The following APOB variants were observed in gnomAD, a reference collection of about 807,000 sequenced individuals.
APOB encodes apolipoprotein B, also known as apolipoprotein B-100.
In APOB, 153 loss-of-function variants were observed where a neutral mutation model predicts 314.1. The ratio of observed to expected loss-of-function variants is 0.49; its 90% CI spans 0.43 to 0.56. The LOEUF (loss-of-function observed/expected upper bound fraction) is 0.56. APOB is among the 20% of genes least tolerant of loss of function. The probability of loss-of-function intolerance (pLI) is 0.00; values close to 1 mark genes in which losing one functional copy is unlikely to be tolerated. For missense variants in APOB, 5,430 were observed against 5,350.7 expected, an observed-to-expected ratio of 1.01 and a Z score of -0.46; for synonymous variants, 2,087 against 2,036.4, an observed-to-expected ratio of 1.02 and a Z score of -0.67.
At chr2:21,028,563 A>T in intron 12 of APOB, 25 bp from the exon 13 acceptor site, 1 of 1,528,814 alleles carries the variant, frequency 6.5e-7, no homozygotes, top group Non-Finnish European at 9.0e-7. Flanking sequence ...GGAGATGGTT[A>T]TCACTGTCCT....
At chr2:21,033,658 C>A (rs1663934714) in intron 8 of APOB, 140 bp from the exon 9 acceptor site, 1 of 752,842 alleles carries the variant, frequency 1.3e-6, no homozygotes, top group Admixed American at 2.0e-5. Flanking sequence ...CCTGCTAGAT[C>A]TGGCTCTGCC....
intron 12 of APOB, among the ~76,000 whole-genome samples, 192 bp from the exon 13 acceptor site, chr2:21,028,730 A>G (rs1663805158): frequency 1.3e-5 from 2 of 152,270 alleles, no homozygotes; most frequent in Non-Finnish European, 1.5e-5. Context: ...GGTTCCCAGA[A>G]AAAGCCTGTG....
chr2:21,026,538 A>C (rs1210075507), intron 15 of APOB, among the ~76,000 whole-genome samples: 2 of 152,010 alleles, frequency 1.3e-5, no homozygotes, highest in East Asian at 3.9e-4. Flanking sequence ...ATGAACCACC[A>C]CACCCAGCCC....
At chr2:21,028,631 T>A (rs1663803138) in intron 12 of APOB, 93 bp from the exon 13 acceptor site, 5 of 854,184 alleles carry the variant, frequency 5.9e-6, no homozygotes, top group Admixed American at 5.4e-5. Context: ...AGCTCTTTCT[T>A]AAGCACAGGT....
At position 21,015,495 on chromosome 2, in the gene APOB, C is replaced by CG; in HGVS notation, c.3382dup (p.Arg1128ProfsTer9). 6.2e-7 allele frequency: 1 copy of CG among 1,614,010 alleles called. No homozygotes were observed. The highest frequency in any genetic ancestry group is 8.5e-7 in the Non-Finnish European group (1 of 1,180,002). On this transcript the variant is annotated frameshift_variant, in exon 22 of 29. Transcript: ENST00000233242. LOFTEE classifies it high-confidence loss of function. ...CTCACTTCTGGCTTCTGCTTGCAAA[C>CG]GGGGTATGGAAATAACACCCTTGAT...
At position 21,009,572 on chromosome 2, in the gene APOB, G is replaced by A. The variant is rs1553383536; in HGVS notation, c.7296C>T (p.Tyr2432=). The change falls in exon 26 of 29, where the codon TAC becomes TAT. Residue 2432 remains tyrosine (Y), a synonymous_variant. Transcript: ENST00000233242. ...CATTGGTTTCATCTACAAACTGGTGGTAATCAAATGACTTTAATTTCTTTA... is the reference window on the plus strand; with the variant it reads ...CATTGGTTTCATCTACAAACTGGTGATAATCAAATGACTTTAATTTCTTTA... ...MLIKKLKSFD[Y]HQFVDETNDK... 1.2e-6 allele frequency: 2 copies of A among 1,613,994 alleles called. No homozygotes were observed. The highest frequency in any genetic ancestry group is 1.7e-6 in the Non-Finnish European group (2 of 1,179,934).
At position 21,003,309 on chromosome 2, in the gene APOB, A is replaced by G. The variant is rs1663044361; in HGVS notation, c.12113T>C (p.Ile4038Thr). ...CCGGACCCTCAACTCAGTTTTGAAT[A>G]TGGTGAGTTTTTTATCTGGAGAGGA... ...PQSSPDKKLT[I>T]FKTELRVRES... is the part of the protein sequence containing the mutation. The change falls in exon 29 of 29, where the codon ATA becomes ACA. Residue 4038 changes from isoleucine to threonine, a missense_variant. This residue lies in a region of APOB where 3,281 missense variants were observed against 3,171.0 expected (regional missense o/e 1.03). Transcript: ENST00000233242. 1 of 1,613,460 alleles carries G rather than the reference A, an allele frequency of 6.2e-7. No homozygotes were observed. Among genetic ancestry groups the G allele is most frequent in the African/African-American group, 1.3e-5 (1 of 74,874 alleles).
In APOB at chr2:21,044,017, G is replaced by T. The variant is rs1391477960; in HGVS notation, c.-72C>A. On this transcript the variant is annotated 5_prime_UTR_variant, in exon 1 of 29. Transcript: ENST00000233242. ...CTCGCGGCCCTGGCTGGCTGGGCGGGCTCCTCAGCGGCAGCAACCGAGAAG... is the reference window on the plus strand; with the variant it reads ...CTCGCGGCCCTGGCTGGCTGGGCGGTCTCCTCAGCGGCAGCAACCGAGAAG... 3 of 796,516 alleles carry T rather than the reference G, an allele frequency of 3.8e-6. No homozygotes were observed. Among genetic ancestry groups the T allele is most frequent in the Non-Finnish European group, 5.0e-6 (3 of 598,740 alleles). 49.3% of individuals were successfully genotyped at this position (796,516 alleles called of 1,614,324 possible). A position where few individuals can be genotyped will look rare whatever the true frequency, so the allele number is the denominator to read the frequency against.
In APOB at chr2:21,015,435, A is replaced by T. The variant is rs531341535; in HGVS notation, c.3443T>A (p.Leu1148His). The T allele has an allele frequency of 9.9e-6, 16 of 1,614,124 alleles. No homozygotes were observed. The Admixed American group carries it at 2.5e-4, about 25-fold the overall frequency. Residue 1148 changes from leucine to histidine, a missense_variant, in exon 22 of 29, where the codon CTC (leucine) becomes CAC (histidine). Coordinates refer to ENST00000233242, the MANE Select transcript of APOB (RefSeq NM_000384.3). ...LAHWSPAKLLLQMDSSATAYG... is the reference protein window; with the variant it reads ...LAHWSPAKLLHQMDSSATAYG... Reference sequence around the variant, plus strand: ...AGCTGTAGCAGATGAGTCCATTTGGAGAAGCAGTTTGGCAGGCGACCAGTG... The same window carrying T: ...AGCTGTAGCAGATGAGTCCATTTGGTGAAGCAGTTTGGCAGGCGACCAGTG...
At position 21,005,382 on chromosome 2, in the gene APOB, T is replaced by C. The variant is rs1471062103; in HGVS notation, c.11486A>G (p.Lys3829Arg). The C allele has an allele frequency of 1.2e-6, 2 of 1,614,064 alleles. No individual in the cohort carries two copies. Among genetic ancestry groups the C allele is most frequent in the Non-Finnish European group, 1.7e-6 (2 of 1,179,954 alleles). Residue 3829 changes from lysine (K) to arginine (R), a missense_variant, in exon 26 of 29, where the codon AAA becomes AGA. This residue lies in a region of APOB where 3,281 missense variants were observed against 3,171.0 expected (regional missense o/e 1.03). Transcript: ENST00000233242. Reference protein sequence around the residue: ...QLTVSQFTLPKSVSDGIAALD... With the variant: ...QLTVSQFTLPRSVSDGIAALD... Reference sequence around the variant, plus strand: ...AGCAGCAATGCCATCTGAAACACTTTTTGGAAGCGTGAACTGGGACACAGT... The same window carrying C: ...AGCAGCAATGCCATCTGAAACACTTCTTGGAAGCGTGAACTGGGACACAGT...
At chr2:21,022,130 A>G (rs1663622997) in intron 18 of APOB, among the ~76,000 whole-genome samples, 2 of 151,918 alleles carry the variant, frequency 1.3e-5, no homozygotes. Context: ...TAATTTTGTT[A>G]TTTATTTAAT....
chr2:21,014,929 GT>G (rs149505602), intron 23 of APOB, 143 bp downstream of exon 23: 141 of 885,906 alleles, frequency 1.6e-4, no homozygotes, highest in Middle Eastern at 3.5e-4. Flanking sequence ...ACTTGTGAAA[GT>G]TTTTTTTTCT....
rs1168873517 is a variant in APOB at position 21,034,891 on chromosome 2, C to T, written c.829G>A (p.Gly277Arg). The change falls in exon 8 of 29, where the codon GGG becomes AGG. Residue 277 changes from glycine (G) to arginine (R), a missense_variant. By Grantham distance (125) the Gly-to-Arg change is moderately radical. Around this residue, in one of 3 missense-constraint regions of APOB, gnomAD observed 2,085 missense variants for 2,079.7 expected, o/e 1.00. Transcript: ENST00000233242. ...FLPFSYKNKY[G>R]MVAQVTQTLK... Reference sequence around the variant, plus strand: ...GTCTGTGTCACTTGTGCTACCATCCCATACTTATTCCTGGTAACCAAGGAA... The same window carrying T: ...GTCTGTGTCACTTGTGCTACCATCCTATACTTATTCCTGGTAACCAAGGAA... 4 of 1,562,502 alleles carry T rather than the reference C, an allele frequency of 2.6e-6. No homozygotes were observed. Among genetic ancestry groups the T allele is most frequent in the Non-Finnish European group, 3.5e-6 (4 of 1,132,904 alleles).
In APOB at chr2:21,023,579, T is replaced by G. The variant is rs146519598; in HGVS notation, c.2550A>C (p.Ser850=). ...TGAGLQLQIS[S]SGVIAPGAKA... ...TGGCTCCGGGAGCAATGACTCCAGA[T>G]GAAGATATTTGCAACTGTAATCCAG... Residue 850 remains serine, a synonymous_variant, in exon 17 of 29, where the codon TCA becomes TCC. Transcript: ENST00000233242. The G allele has an allele frequency of 1.4e-5, 22 of 1,614,188 alleles. No individual in the cohort carries two copies. The highest frequency in any genetic ancestry group is 1.9e-5 in the Non-Finnish European group (22 of 1,180,020).
chr2:21,010,409 T>G lies in APOB; in HGVS notation c.6459A>C (p.Glu2153Asp), dbSNP rs755046055. The change falls in exon 26 of 29, where the codon GAA (glutamate) becomes GAC (aspartate). Residue 2153 changes from glutamate to aspartate, a missense_variant. By Grantham distance (45) the Glu-to-Asp change is conservative. Coordinates refer to ENST00000233242, the MANE Select transcript of APOB (RefSeq NM_000384.3). Reference sequence around the variant, plus strand: ...CATCTAATGCAATTTGTATATCATTTTCTGTAATTCTATACTTTTTTGTGA... The same window carrying G: ...CATCTAATGCAATTTGTATATCATTGTCTGTAATTCTATACTTTTTTGTGA... ...TALTKKYRIT[E>D]NDIQIALDDA... 6.3e-7 allele frequency: 1 copy of G among 1,596,286 alleles called. No homozygotes were observed. Among genetic ancestry groups the G allele is most frequent in the Non-Finnish European group, 8.5e-7 (1 of 1,169,994 alleles).
chr2:21,029,328 G>A (rs1427551673), intron 12 of APOB, among the ~76,000 whole-genome samples: 1 of 152,182 alleles, frequency 6.6e-6, no homozygotes, highest in Non-Finnish European at 1.5e-5. Context: ...GCACATGCCT[G>A]TAATCCCAGT....
chr2:21,027,031 C>T, intron 14 of APOB, 67 bp from the exon 15 acceptor site: 1 of 1,443,178 alleles, frequency 6.9e-7, no homozygotes, highest in Non-Finnish European at 9.7e-7. Context: ...CTAGTAGTCC[C>T]CACTCTTGAT....
intron 1 of APOB, 83 bp downstream of exon 1, chr2:21,043,781 C>T: frequency 6.6e-7 from 1 of 1,518,658 alleles, no homozygotes; most frequent in East Asian, 2.4e-5. Flanking sequence ...TCCCTCTGGC[C>T]TAGGCCCAGG....
At chr2:21,040,905 C>T (rs767243147) in intron 4 of APOB, 33 bp downstream of exon 4, 6 of 1,612,306 alleles carry the variant, frequency 3.7e-6, no homozygotes, top group Middle Eastern at 1.7e-4. Flanking sequence ...CGGACACACA[C>T]ACATGCGTGT....
Sources: gnomAD v4.1 joint callset for allele counts (sites outside exome capture counted in the v4.1 genomes callset) on GRCh38, gnomAD v4.1.1 for gene constraint, gnomAD v4.1.1 regional missense constraint, MANE v1.5 for transcripts, NCBI Gene and HGNC (gene_info 2026-07-23, HGNC 2026-07-21) for gene names.